Variants in COPZ1 observed in about 807,000 individuals in gnomAD.
COPZ1 encodes the protein coatomer subunit zeta-1.
COPZ1 carries 4 observed loss-of-function variants against 31.7 expected under a neutral mutation model. The observed-to-expected ratio is 0.13, with a 90% CI of 0.06 to 0.29. The LOEUF (loss-of-function observed/expected upper bound fraction) is 0.29. Ranked by LOEUF, COPZ1 falls within the 10% of genes least tolerant of loss-of-function variation. COPZ1 has a pLI of 1.00. For missense variants in COPZ1, 156 were observed against 211.5 expected (o/e 0.74, Z 1.63); for synonymous variants, 74 against 79.0 (o/e 0.94, Z 0.33).
At chr12:54,343,347 T>A in intron 4 of COPZ1, 31 bp downstream of exon 4, 1 of 1,565,694 alleles carries the variant, frequency 6.4e-7, no homozygotes, top group Non-Finnish European at 8.8e-7. Flanking sequence ...TTGCTATTTC[T>A]GATCCTACTT....
At chr12:54,343,365 C>T in intron 4 of COPZ1, 49 bp downstream of exon 4, 1 of 1,493,374 alleles carries the variant, frequency 6.7e-7, no homozygotes, top group Non-Finnish European at 9.3e-7. Flanking sequence ...CTTTCTAAAC[C>T]ACAGGCAGTA....
chr12:54,336,787 G>C (rs1953874114), intron 1 of COPZ1, among the ~76,000 whole-genome samples: 1 of 152,020 alleles, frequency 6.6e-6, no homozygotes, highest in African/African-American at 2.4e-5. Context: ...ACTTTGGGAG[G>C]CCGAGGCAGG....
chr12:54,347,807 G>T lies in COPZ1; in HGVS notation c.358G>T (p.Gly120Trp). The T allele has an allele frequency of 6.2e-7, 1 of 1,612,568 alleles. No individual in the cohort carries two copies. Among genetic ancestry groups the T allele is most frequent in the Non-Finnish European group, 8.5e-7 (1 of 1,179,634 alleles). The change falls in exon 6 of 9, where the codon GGG becomes TGG. Residue 120 changes from glycine to tryptophan, a missense_variant. Gly to Trp is a radical substitution (Grantham distance 184). Coordinates refer to ENST00000262061, the MANE Select transcript of COPZ1 (RefSeq NM_016057.3). Reference protein sequence around the residue: ...EKRALLENMEGLFLAVDEIVD... With the variant: ...EKRALLENMEWLFLAVDEIVD... ...GCGAGCACTGCTGGAGAACATGGAG[G>T]GGCTGTTCTTGGCTGTGGATGAAAT...
At chr12:54,332,476 C>T (rs975479989) in intron 1 of COPZ1, among the ~76,000 whole-genome samples, 6 of 151,692 alleles carry the variant, frequency 4.0e-5, no homozygotes, top group Non-Finnish European at 7.4e-5. Context: ...GTAGCTCACG[C>T]GTGTAATCCC....
At chr12:54,341,429 T>A (rs949957496) in intron 2 of COPZ1, among the ~76,000 whole-genome samples, 2 of 152,196 alleles carry the variant, frequency 1.3e-5, no homozygotes, top group Non-Finnish European at 2.9e-5. Flanking sequence ...CCTGGTGTAT[T>A]AACTCCGGGC....
intron 7 of COPZ1, among the ~76,000 whole-genome samples, chr12:54,349,153 T>G (rs1036530547): frequency 3.3e-5 from 5 of 152,216 alleles, no homozygotes; most frequent in Non-Finnish European, 5.9e-5. Flanking sequence ...CCGCTTTGTC[T>G]TCTTAGGCTG....
At chr12:54,336,114 A>G (rs750386997) in intron 1 of COPZ1, among the ~76,000 whole-genome samples, 5 of 152,088 alleles carry the variant, frequency 3.3e-5, no homozygotes, top group Admixed American at 2.0e-4. Flanking sequence ...ACCTTCCCCA[A>G]ACATATTCTC....
In COPZ1 at chr12:54,347,782, G is replaced by C; in HGVS notation, c.333G>C (p.Lys111Asn). 6.2e-7 allele frequency: 1 copy of C among 1,609,734 alleles called. No individual in the cohort carries two copies. The highest frequency in any genetic ancestry group is 8.5e-7 in the Non-Finnish European group (1 of 1,178,970). Reference protein sequence around the residue: ...LSQMLRKNVEKRALLENMEGL... With the variant: ...LSQMLRKNVENRALLENMEGL... ...GGGGACTCAGGAAAAATGTAGAAAA[G>C]CGAGCACTGCTGGAGAACATGGAGG... The change falls in exon 6 of 9, where the codon AAG becomes AAC. Residue 111 changes from lysine to asparagine, a missense_variant. Physicochemically the swap from Lys to Asn is moderately conservative, Grantham distance 94 (BLOSUM62 0). Transcript: ENST00000262061.
intron 4 of COPZ1, chr12:54,344,625 G>C (rs2137108578): frequency 1.3e-5 from 2 of 152,264 alleles, no homozygotes; most frequent in African/African-American, 4.8e-5. Context: ...GCGTGGTGGT[G>C]GGCGCCTGTA....
chr12:54,326,405 G>T (rs1953645300), intron 1 of COPZ1, among the ~76,000 whole-genome samples: 1 of 148,626 alleles, frequency 6.7e-6, no homozygotes, highest in Non-Finnish European at 1.5e-5. Context: ...CTCCCAAAGT[G>T]CTGGGATTAC....
intron 1 of COPZ1, among the ~76,000 whole-genome samples, chr12:54,335,358 TTGCCACATCAGGGTAA>T (rs1300017600): frequency 2.6e-5 from 4 of 152,040 alleles, no homozygotes; most frequent in African/African-American, 9.7e-5. Flanking sequence ...CCAAGACCCA[TTGCCACATCAGGGTAA>T]TGCCACATCA....
intron 2 of COPZ1, among the ~76,000 whole-genome samples, chr12:54,340,921 A>G (rs1244169475): frequency 6.6e-6 from 1 of 152,028 alleles, no homozygotes; most frequent in Admixed American, 6.6e-5. Context: ...GACTGGTCTC[A>G]AACTCCTGAC....
chr12:54,325,258 C>A, intron 1 of COPZ1, 77 bp downstream of exon 1: 2 of 1,505,746 alleles, frequency 1.3e-6, no homozygotes, highest in Non-Finnish European at 1.8e-6. Flanking sequence ...GAGTGGGAGA[C>A]GGGGAAAGAG....
intron 5 of COPZ1, chr12:54,346,521 C>T (rs1592210521): frequency 3.1e-6 from 2 of 652,844 alleles, no homozygotes; most frequent in East Asian, 2.9e-5. Flanking sequence ...GATCCACCTA[C>T]CTTGGCCTCC....
intron 5 of COPZ1, 23 bp from the exon 6 acceptor site, chr12:54,347,744 C>G (rs1954088443): frequency 6.3e-7 from 1 of 1,599,292 alleles, no homozygotes; most frequent in Non-Finnish European, 8.5e-7. Context: ...TGGTTATTCT[C>G]TTCTCTTCTC....
rs924244806 is a variant in COPZ1 at position 54,325,284 on chromosome 12, T to C, written c.18+103T>C. The stretch of plus-strand genomic sequence containing the variant: ...GGGGAAAGAGAGTTCCGGGTAATTC[T>C]TGGGGACTGAGCGTTCTGCTGACCT... On this transcript the variant is annotated intron_variant, in intron 1 of 8. Transcript: ENST00000262061. 7 of 1,416,618 alleles carry C rather than the reference T, an allele frequency of 4.9e-6. No homozygotes were observed. The African/African-American group carries it at 8.6e-5, about 17-fold the overall frequency. The allele number at this position is 1,416,618 out of a possible 1,614,324, so 87.8% of individuals were successfully genotyped here.
At chr12:54,343,171 TC>T in intron 3 of COPZ1, 53 bp from the exon 4 acceptor site, 2 of 1,411,666 alleles carry the variant, frequency 1.4e-6, no homozygotes, top group Non-Finnish European at 2.0e-6. Flanking sequence ...ACTCCTTCTT[TC>T]CTACTTCCTT....
intron 1 of COPZ1, among the ~76,000 whole-genome samples, chr12:54,332,411 G>T (rs1005918080): frequency 6.6e-6 from 1 of 151,896 alleles, no homozygotes; most frequent in African/African-American, 2.4e-5. Flanking sequence ...TCTTTGTCCT[G>T]CCCATTTCAC....
chr12:54,345,828 G>A (rs908959117), intron 5 of COPZ1, among the ~76,000 whole-genome samples: 4 of 151,900 alleles, frequency 2.6e-5, no homozygotes, highest in African/African-American at 9.7e-5. Flanking sequence ...ATGGTAGCGG[G>A]CGCCTGTAGT....
Sources: allele counts gnomAD v4.1 joint callset (sites outside exome capture counted in the v4.1 genomes callset), GRCh38; gene constraint gnomAD v4.1.1; transcripts MANE v1.5; gene names NCBI Gene and HGNC (gene_info 2026-07-23, HGNC 2026-07-21).